The following GOT2 variants were observed in gnomAD, a reference collection of about 807,000 sequenced individuals.
GOT2 encodes glutamic-oxaloacetic transaminase 2, also known as aspartate aminotransferase, mitochondrial.
A neutral mutation model predicts 50.0 loss-of-function variants in GOT2; 17 were observed. The observed-to-expected ratio is 0.34, with a 90% CI of 0.23 to 0.51. GOT2 has a LOEUF of 0.51. GOT2 is among the 20% of genes least tolerant of loss of function. The pLI is 0.97. For missense variants in GOT2, 430 were observed against 559.6 expected (o/e 0.77, Z 2.34); for synonymous variants, 172 against 204.9 (o/e 0.84, Z 1.37).
intron 2 of GOT2, among the ~76,000 whole-genome samples, chr16:58,723,452 A>G (rs1212649466): frequency 6.6e-6 from 1 of 152,130 alleles, no homozygotes; most frequent in African/African-American, 2.4e-5. Context: ...CCTCTTATGC[A>G]CCTTCAGGAT....
intron 3 of GOT2, among the ~76,000 whole-genome samples, chr16:58,721,266 G>A (rs777421009): frequency 1.3e-5 from 2 of 152,264 alleles, no homozygotes; most frequent in South Asian, 2.1e-4. Flanking sequence ...GGCTTACCCA[G>A]AAAAACGTAC....
rs1174396408 is a variant in GOT2, at chr16:58,707,276, C to G, written c.*895G>C. The G allele has an allele frequency of 6.6e-6, 1 of 152,154 alleles. No homozygotes were observed. Among genetic ancestry groups the G allele is most frequent in the African/African-American group, 2.4e-5 (1 of 41,422 alleles). 9.4% of individuals were successfully genotyped at this position (152,154 alleles called of 1,614,324 possible). A position where few individuals can be genotyped will look rare whatever the true frequency, so the allele number is the denominator to read the frequency against. On this transcript the variant is annotated 3_prime_UTR_variant, in exon 10 of 10. Transcript: ENST00000245206. ...CCTAGAATATCCTCTTTCCTGGTAC[C>G]ACCCTGCGCCGCTGGACTCACAGTG...
intron 3 of GOT2, among the ~76,000 whole-genome samples, chr16:58,721,055 A>C (rs77318197): frequency 0.017 from 2,552 of 152,324 alleles, 67 homozygotes; most frequent in African/African-American, 0.053. Flanking sequence ...GGACAGAACT[A>C]AACCAAATTC....
intron 1 of GOT2, among the ~76,000 whole-genome samples, chr16:58,732,807 C>G (rs1413113620): frequency 6.6e-6 from 1 of 152,236 alleles, no homozygotes; most frequent in Non-Finnish European, 1.5e-5. Context: ...GGGAAACATA[C>G]TTTCTCTTGA....
intron 2 of GOT2, among the ~76,000 whole-genome samples, chr16:58,723,397 G>A (rs749051294): frequency 4.6e-5 from 7 of 152,108 alleles, no homozygotes; most frequent in Non-Finnish European, 8.8e-5. Flanking sequence ...AGTAATCCAC[G>A]AAGAGCTATT....
At chr16:58,728,495 T>C (rs1007740959) in intron 1 of GOT2, among the ~76,000 whole-genome samples, 1 of 152,210 alleles carries the variant, frequency 6.6e-6, no homozygotes, top group African/African-American at 2.4e-5. Flanking sequence ...TGCATCCTAG[T>C]ACAGAGCCTG....
intron 1 of GOT2, among the ~76,000 whole-genome samples, chr16:58,733,678 C>A (rs7187269): frequency 0.021 from 3,218 of 152,160 alleles, 111 homozygotes; most frequent in African/African-American, 0.073. Context: ...GCTCTTCCCG[C>A]CCAGGGCACA....
intron 1 of GOT2, among the ~76,000 whole-genome samples, chr16:58,733,449 GCAACCGGAC>G (rs1451477604): frequency 6.6e-6 from 1 of 152,018 alleles, no homozygotes; most frequent in African/African-American, 2.4e-5. Flanking sequence ...TAGCCTCCCT[GCAACCGGAC>G]CTCCTTAGGG....
chr16:58,718,325 C>T lies in GOT2; in HGVS notation c.598-25G>A, dbSNP rs186413839. ...TCTAAAGAGAAAAACAGCCAAGAGACGACTTTGCAGCTTTAAAGGAAATGG... is the reference window on the plus strand; with the variant it reads ...TCTAAAGAGAAAAACAGCCAAGAGATGACTTTGCAGCTTTAAAGGAAATGG... On this transcript the variant is annotated intron_variant, in intron 5 of 9. Coordinates refer to ENST00000245206, the MANE Select transcript of GOT2 (RefSeq NM_002080.4). 4.8e-5 allele frequency: 76 copies of T among 1,567,714 alleles called. No homozygotes were observed. In the Admixed American group the frequency reaches 5.5e-4, roughly 11 times the overall value.
At chr16:58,730,453 C>T (rs574620348) in intron 1 of GOT2, among the ~76,000 whole-genome samples, 46 of 151,934 alleles carry the variant, frequency 3.0e-4, no homozygotes, top group Non-Finnish European at 1.9e-4. Flanking sequence ...GGCGTGACCA[C>T]GGCTCACTGC....
chr16:58,717,390 AAGAG>A (rs999611646), intron 6 of GOT2, among the ~76,000 whole-genome samples: 42 of 151,958 alleles, frequency 2.8e-4, no homozygotes, highest in Admixed American at 1.8e-3. Context: ...AAGAAAAAAA[AAGAG>A]AGAGAGAGAA....
chr16:58,709,041 C>T (rs747483608), intron 9 of GOT2: 3 of 161,722 alleles, frequency 1.9e-5, no homozygotes, highest in Middle Eastern at 3.1e-3. Flanking sequence ...GCAGGCGGAT[C>T]GCTTGAGTCC....
intron 1 of GOT2, among the ~76,000 whole-genome samples, chr16:58,730,173 C>T (rs2044823058): frequency 6.6e-6 from 1 of 152,142 alleles, no homozygotes; most frequent in South Asian, 2.1e-4. Context: ...GCAGGTGCTA[C>T]TAGCATCTGA....
In GOT2 at chr16:58,716,560, A is replaced by ATG. The variant is rs1491278536; in HGVS notation, c.853+102_853+103insCA. On this transcript the variant is annotated intron_variant, in intron 7 of 9. Coordinates refer to ENST00000245206, the MANE Select transcript of GOT2 (RefSeq NM_002080.4). ...TAGGGAGGGACATGGACATGGATGGACACACACACACACACACACACACAC... is the reference window on the plus strand; with the variant it reads ...TAGGGAGGGACATGGACATGGATGGATGCACACACACACACACACACACACAC... 2.0e-4 allele frequency: 7 copies of ATG among 34,236 alleles called. No individual in the cohort carries two copies. In the African/African-American group the frequency reaches 2.1e-3, roughly 10 times the overall value. 2.1% of individuals were successfully genotyped at this position (34,236 alleles called of 1,614,324 possible).
Position 58,716,157 on chromosome 16 carries a change from A to G in GOT2, c.876T>C (p.Thr292=). 6.2e-7 allele frequency: 1 copy of G among 1,613,910 alleles called. No individual in the cohort carries two copies. Among genetic ancestry groups the G allele is most frequent in the East Asian group, 2.2e-5 (1 of 44,882 alleles). The change falls in exon 8 of 10, where the codon ACT becomes ACC. Residue 292 remains threonine, a synonymous_variant. Coordinates refer to ENST00000245206, the MANE Select transcript of GOT2 (RefSeq NM_002080.4). ...GLYGERVGAF[T]MVCKDADEAK... ...CTTCATCCGCATCTTTGCAGACCAT[A>G]GTGAAGGCTCCTACACGCTCACCTG...
chr16:58,728,899 C>A (rs2044809045), intron 1 of GOT2, among the ~76,000 whole-genome samples: 1 of 152,090 alleles, frequency 6.6e-6, no homozygotes, highest in Non-Finnish European at 1.5e-5. Flanking sequence ...GTTGGCCAGG[C>A]TGGTCTTGAA....
At chr16:58,729,009 C>T (rs1308835349) in intron 1 of GOT2, among the ~76,000 whole-genome samples, 1 of 151,980 alleles carries the variant, frequency 6.6e-6, no homozygotes, top group Non-Finnish European at 1.5e-5. Flanking sequence ...TCAATTACTA[C>T]TGCATAGTTT....
chr16:58,734,039 G>C (rs558490135), intron 1 of GOT2, 101 bp downstream of exon 1: 1 of 514,130 alleles, frequency 1.9e-6, no homozygotes, highest in African/African-American at 2.0e-5. Context: ...GTGAGTGACA[G>C]TGTGTATTTG....
At chr16:58,708,710 G>C (rs1294023070) in intron 9 of GOT2, among the ~76,000 whole-genome samples, 1 of 152,104 alleles carries the variant, frequency 6.6e-6, no homozygotes, top group Admixed American at 6.6e-5. Flanking sequence ...AGATTCAGCA[G>C]AGCCAGGATT....
Sources: gnomAD v4.1 joint callset for allele counts (sites outside exome capture counted in the v4.1 genomes callset) on GRCh38, gnomAD v4.1.1 for gene constraint, MANE v1.5 for transcripts, NCBI Gene and HGNC (gene_info 2026-07-23, HGNC 2026-07-21) for gene names.